NELL1: variants seen among roughly 807,000 people sequenced by gnomAD.
The protein encoded by NELL1 is neural EGFL like 1.
In NELL1, 76 loss-of-function variants were observed where a neutral mutation model predicts 107.4. The observed-to-expected ratio is 0.71, with a 90% confidence interval of 0.59 to 0.86. The LOEUF is 0.86. Ranked by LOEUF, NELL1 falls within the 40% of genes least tolerant of loss-of-function variation. The pLI, the probability that NELL1 is intolerant of heterozygous loss-of-function variation, is 0.00. For synonymous variants in NELL1, 353 were observed against 341.2 expected (o/e 1.03, Z -0.38); for missense variants, 1,024 against 1,005.5 (o/e 1.02, Z -0.25).
chr11:21,498,239 C>T (rs1855035805), intron 15 of NELL1, among the ~76,000 whole-genome samples: 1 of 150,612 alleles, frequency 6.6e-6, no homozygotes, highest in Admixed American at 6.6e-5. Flanking sequence ...TCTACATTTT[C>T]CTCCCTGGTG....
At chr11:21,434,448 G>C (rs1853052397) in intron 15 of NELL1, among the ~76,000 whole-genome samples, 1 of 151,986 alleles carries the variant, frequency 6.6e-6, no homozygotes. Context: ...TGAACAGGGT[G>C]CCCTTTACCC....
chr11:21,095,259 T>G (rs897022724), intron 12 of NELL1, among the ~76,000 whole-genome samples: 1 of 152,182 alleles, frequency 6.6e-6, no homozygotes, highest in African/African-American at 2.4e-5. Flanking sequence ...CACCTCAGCC[T>G]GAACCTTATT....
intron 8 of NELL1, among the ~76,000 whole-genome samples, chr11:20,928,158 A>G (rs1006910322): frequency 6.6e-6 from 1 of 152,230 alleles, no homozygotes; most frequent in South Asian, 2.1e-4. Flanking sequence ...ATGGGCAGGT[A>G]GGATGAAACC....
At chr11:21,023,085 A>G (rs1852738507) in intron 12 of NELL1, among the ~76,000 whole-genome samples, 1 of 152,064 alleles carries the variant, frequency 6.6e-6, no homozygotes, top group South Asian at 2.1e-4. Context: ...AAAGCTTAAT[A>G]GGGTATTTCA....
At chr11:21,483,026 C>T (rs140136770) in intron 15 of NELL1, among the ~76,000 whole-genome samples, 2,226 of 151,638 alleles carry the variant, frequency 0.015, 56 homozygotes, top group African/African-American at 0.05. Flanking sequence ...CTTGCTCTGT[C>T]GCCCAGGCTG....
chr11:21,183,205 T>C (rs958171253), intron 13 of NELL1, among the ~76,000 whole-genome samples: 1 of 151,934 alleles, frequency 6.6e-6, no homozygotes, highest in African/African-American at 2.4e-5. Context: ...TCTTATACGT[T>C]TTTTATGAAC....
At chr11:21,163,248 T>C (rs1314679985) in intron 13 of NELL1, among the ~76,000 whole-genome samples, 1 of 152,208 alleles carries the variant, frequency 6.6e-6, no homozygotes, top group Non-Finnish European at 1.5e-5. Context: ...CAGGTCATAA[T>C]GGGGTTTACC....
At chr11:21,106,659 A>T (rs1297982149) in intron 12 of NELL1, among the ~76,000 whole-genome samples, 1 of 152,008 alleles carries the variant, frequency 6.6e-6, no homozygotes, top group Non-Finnish European at 1.5e-5. Flanking sequence ...TTCTGTGTTA[A>T]GAAAAATAAG....
intron 16 of NELL1, among the ~76,000 whole-genome samples, chr11:21,536,293 T>G (rs907473228): frequency 3.3e-5 from 5 of 152,072 alleles, no homozygotes; most frequent in African/African-American, 4.8e-5. Context: ...CAGTATCTTT[T>G]GTTCCTATCT....
intron 15 of NELL1, among the ~76,000 whole-genome samples, chr11:21,405,072 T>C (rs1185288747): frequency 6.6e-6 from 1 of 152,066 alleles, no homozygotes; most frequent in Non-Finnish European, 1.5e-5. Context: ...TCTATGAAGA[T>C]TCCTAGCTTT....
At chr11:21,226,167 A>G (rs546724256) in intron 13 of NELL1, among the ~76,000 whole-genome samples, 2 of 152,202 alleles carry the variant, frequency 1.3e-5, no homozygotes, top group Non-Finnish European at 2.9e-5. Context: ...GGTGCTGGTC[A>G]TTTTGAAAAC....
intron 14 of NELL1, among the ~76,000 whole-genome samples, chr11:21,367,261 T>TACACACACACACACAC: frequency 6.9e-6 from 1 of 145,238 alleles, no homozygotes; most frequent in East Asian, 2.1e-4. Flanking sequence ...TTTATCTTAC[T>TACACACACACACACAC]ACACACACAC....
chr11:21,247,737 C>T (rs1398826769), intron 14 of NELL1, among the ~76,000 whole-genome samples: 1 of 152,228 alleles, frequency 6.6e-6, no homozygotes, highest in Non-Finnish European at 1.5e-5. Flanking sequence ...CTGTTTGTCA[C>T]TATCAACTCT....
At chr11:20,744,798 G>A (rs1855967649) in intron 2 of NELL1, among the ~76,000 whole-genome samples, 1 of 152,220 alleles carries the variant, frequency 6.6e-6, no homozygotes, top group African/African-American at 2.4e-5. Flanking sequence ...TCTGTCCACA[G>A]TGGGAGTAGG....
In NELL1 at chr11:20,979,742, T is replaced by G. The variant is rs1044744184; in HGVS notation, c.1300+19182T>G. 2.0e-5 allele frequency among the ~76,000 whole-genome samples: 3 copies of G among 152,170 alleles called. No homozygotes were observed. In the East Asian group the frequency reaches 5.8e-4, roughly 29 times the overall value. Reference sequence around the variant, plus strand: ...CATTGTTGAATTTCTTCTTGGTGACTAGGAATACTCATGGGGCCACCAGGC... The same window carrying G: ...CATTGTTGAATTTCTTCTTGGTGACGAGGAATACTCATGGGGCCACCAGGC... On this transcript the variant is annotated intron_variant, in intron 12 of 19. Coordinates refer to ENST00000357134, the MANE Select transcript of NELL1 (RefSeq NM_006157.5).
intron 14 of NELL1, among the ~76,000 whole-genome samples, chr11:21,322,242 T>G (rs1850027984): frequency 6.6e-6 from 1 of 152,170 alleles, no homozygotes; most frequent in Non-Finnish European, 1.5e-5. Flanking sequence ...CCCTGCTTCA[T>G]GTCTTGGGCC....
intron 15 of NELL1, among the ~76,000 whole-genome samples, chr11:21,485,847 C>T (rs1053107979): frequency 2.6e-5 from 4 of 152,098 alleles, no homozygotes; most frequent in African/African-American, 9.7e-5. Context: ...CAGGCGCCTG[C>T]AGATTGCCCA....
At chr11:21,323,823 A>G (rs1429119506) in intron 14 of NELL1, among the ~76,000 whole-genome samples, 1 of 152,146 alleles carries the variant, frequency 6.6e-6, no homozygotes, top group Non-Finnish European at 1.5e-5. Context: ...TAAAGACTCT[A>G]TCTGCCCCCT....
At chr11:21,367,044 T>C (rs1851237741) in intron 14 of NELL1, among the ~76,000 whole-genome samples, 1 of 139,932 alleles carries the variant, frequency 7.1e-6, no homozygotes, top group Admixed American at 7.1e-5. Flanking sequence ...TTTTACATGC[T>C]GAGAATATTT....
Sources: gnomAD v4.1 joint callset for allele counts (sites outside exome capture counted in the v4.1 genomes callset) on GRCh38, gnomAD v4.1.1 for gene constraint, MANE v1.5 for transcripts, NCBI Gene and HGNC (gene_info 2026-07-23, HGNC 2026-07-21) for gene names.